Variants in MAP3K2 observed in about 807,000 individuals in gnomAD.
MAP3K2 encodes the protein MAP/ERK kinase kinase 2.
MAP3K2 carries 24 observed loss-of-function variants against 80.3 expected under a neutral mutation model. The ratio of observed to expected loss-of-function variants is 0.30; its 90% CI spans 0.22 to 0.42. The LOEUF is 0.42. MAP3K2 is among the 10% of genes least tolerant of loss of function. The pLI is 1.00. For synonymous variants in MAP3K2, 244 were observed against 253.7 expected (o/e 0.96, Z 0.36); for missense variants, 608 against 750.1 (o/e 0.81, Z 2.21).
In MAP3K2 at chr2:127,322,430, CTT is replaced by C. The variant is rs144079100; in HGVS notation, c.839-180_839-179del. 7.3e-3 allele frequency among the ~76,000 whole-genome samples: 1,112 copies of C among 152,220 alleles called. 11 individuals are homozygous for C. Among genetic ancestry groups the C allele is most frequent in the Admixed American group, 0.011 (165 of 15,288 alleles). On this transcript the variant is annotated intron_variant, in intron 11 of 16. Transcript: ENST00000682094. The surrounding 1 kb of genome is among the most constrained non-coding windows in gnomAD (Gnocchi z 4.2). ...ATCTGAATACAAATTCAAATAATCT[CTT>C]ATGATAAAACATGTATGAGTGTGCA...
intron 1 of MAP3K2, among the ~76,000 whole-genome samples, chr2:127,383,310 A>C (rs940345456): frequency 6.6e-6 from 1 of 152,202 alleles, no homozygotes; most frequent in Non-Finnish European, 1.5e-5. Flanking sequence ...TGATTCTTCC[A>C]ATCAACGAGT....
At chr2:127,369,726 G>A (rs759622241) in intron 1 of MAP3K2, among the ~76,000 whole-genome samples, 12 of 152,266 alleles carry the variant, frequency 7.9e-5, no homozygotes, top group Middle Eastern at 3.4e-3. Context: ...TCCCCATCCT[G>A]TTTATATCCC....
At chr2:127,383,002 T>C (rs1164715376) in intron 1 of MAP3K2, among the ~76,000 whole-genome samples, 1 of 152,252 alleles carries the variant, frequency 6.6e-6, no homozygotes, top group African/African-American at 2.4e-5. Flanking sequence ...TGGCACCTGC[T>C]TGGCCTCTGG....
chr2:127,342,372 A>G (rs1393445140), intron 2 of MAP3K2, among the ~76,000 whole-genome samples: 3 of 142,794 alleles, frequency 2.1e-5, no homozygotes, highest in Non-Finnish European at 4.5e-5. Flanking sequence ...ATGGGCAAAT[A>G]TAAGTTCTTC....
chr2:127,313,227 G>C (rs185421270), intron 15 of MAP3K2, among the ~76,000 whole-genome samples: 13 of 152,272 alleles, frequency 8.5e-5, no homozygotes, highest in Admixed American at 6.5e-4. Context: ...CCACTCGGCG[G>C]GTAGCTCCCT....
At chr2:127,329,443 G>T (rs2896979) in intron 7 of MAP3K2, among the ~76,000 whole-genome samples, 1 of 149,712 alleles carries the variant, frequency 6.7e-6, no homozygotes, top group Non-Finnish European at 1.5e-5. Context: ...TGCAACCTCC[G>T]CCTCCCGGGT....
chr2:127,316,500 A>G (rs1408009013), intron 14 of MAP3K2, among the ~76,000 whole-genome samples: 2 of 152,260 alleles, frequency 1.3e-5, no homozygotes, highest in Non-Finnish European at 2.9e-5. Flanking sequence ...ATCACATTTT[A>G]TAACTCCTAA....
chr2:127,321,935 T>C lies in MAP3K2; in HGVS notation c.1045+111A>G. 1.2e-6 allele frequency: 1 copy of C among 856,150 alleles called. No homozygotes were observed. The highest frequency in any genetic ancestry group is 1.9e-6 in the Non-Finnish European group (1 of 535,926). 53.0% of individuals were successfully genotyped at this position (856,150 alleles called of 1,614,324 possible). ...TTAGAAACACCATTATTACCTTTTT[T>C]GAGTAGTTCATCTGACCCCAAAAAC... On this transcript the variant is annotated intron_variant, in intron 12 of 16. Transcript: ENST00000682094. The surrounding 1 kb of genome is among the most constrained non-coding windows in gnomAD (Gnocchi z 4.4).
intron 12 of MAP3K2, among the ~76,000 whole-genome samples, chr2:127,319,080 A>G (rs1404130768): frequency 6.6e-6 from 1 of 152,120 alleles, no homozygotes; most frequent in Non-Finnish European, 1.5e-5. Context: ...CAAGGCCTGG[A>G]AAAGGGGAAT....
chr2:127,342,987 A>C, intron 2 of MAP3K2, 139 bp downstream of exon 2: 1 of 622,948 alleles, frequency 1.6e-6, no homozygotes, highest in Non-Finnish European at 2.8e-6. Flanking sequence ...TATTAAGTAA[A>C]TATAAAACAT....
At chr2:127,331,947 T>A (rs1230485459) in intron 5 of MAP3K2, among the ~76,000 whole-genome samples, 1 of 152,198 alleles carries the variant, frequency 6.6e-6, no homozygotes, top group Non-Finnish European at 1.5e-5. Context: ...AACACGAATA[T>A]AAAGAAGGAT....
rs1685678181 is a variant in MAP3K2, at chr2:127,305,453, A to C, written c.*2126T>G. Reference sequence around the variant, plus strand: ...CGTTGACAATTAATTTTGTGCTTTGACTTCTTAGACTAGCTAGTGGAATTT... The same window carrying C: ...CGTTGACAATTAATTTTGTGCTTTGCCTTCTTAGACTAGCTAGTGGAATTT... On this transcript the variant is annotated 3_prime_UTR_variant, in exon 17 of 17. Coordinates refer to ENST00000682094, the MANE Select transcript of MAP3K2 (RefSeq NM_001371910.2). 6.6e-6 allele frequency: 1 copy of C among 152,248 alleles called. No homozygotes were observed. The highest frequency in any genetic ancestry group is 2.1e-4 in the South Asian group (1 of 4,830). 9.4% of individuals were successfully genotyped at this position (152,248 alleles called of 1,614,324 possible).
rs1298353613 is a variant in MAP3K2 at position 127,299,190 on chromosome 2, C to T, written c.*8389G>A. 3.9e-5 allele frequency: 6 copies of T among 152,064 alleles called. No individual in the cohort carries two copies. The highest frequency in any genetic ancestry group is 7.2e-5 in the African/African-American group (3 of 41,390). The allele number at this position is 152,064 out of a possible 1,614,324, so 9.4% of individuals were successfully genotyped here. ...TCAACAGTGGACTTTATTCCTAACA[C>T]GAGTAATTTTACATGGTACCGCATA... On this transcript the variant is annotated 3_prime_UTR_variant, in exon 17 of 17. Coordinates refer to ENST00000682094, the MANE Select transcript of MAP3K2 (RefSeq NM_001371910.2).
At chr2:127,358,910 A>G (rs1047822478) in intron 1 of MAP3K2, among the ~76,000 whole-genome samples, 1 of 149,190 alleles carries the variant, frequency 6.7e-6, no homozygotes, top group Non-Finnish European at 1.5e-5. Flanking sequence ...GCCTGTCTCC[A>G]AAACAATAAA....
chr2:127,354,254 A>G (rs1219101540), intron 1 of MAP3K2, among the ~76,000 whole-genome samples: 3 of 145,670 alleles, frequency 2.1e-5, no homozygotes, highest in East Asian at 2.0e-4. Flanking sequence ...AAAAAAAAAG[A>G]AAGAAATATC....
At position 127,314,843 on chromosome 2, in the gene MAP3K2, G is replaced by A; in HGVS notation, c.1367C>T (p.Thr456Ile). ...GGTGTATTTCCTAGTCACATTCTCA[G>A]TAAGAGCGCCATATGCTTTTAATTG... is the stretch of plus-strand genomic sequence containing the variant. ...KDQLKAYGALTENVTRKYTRQ... is the reference protein window; with the variant it reads ...KDQLKAYGALIENVTRKYTRQ... Residue 456 changes from threonine (T) to isoleucine (I), a missense_variant, in exon 15 of 17, where the codon ACT (threonine) becomes ATT (isoleucine). This residue lies in a region of MAP3K2 where 88 missense variants were observed against 132.4 expected (regional missense o/e 0.66). Transcript: ENST00000682094. 1 of 1,609,018 alleles carries A rather than the reference G, an allele frequency of 6.2e-7. No homozygotes were observed. The highest frequency in any genetic ancestry group is 8.5e-7 in the Non-Finnish European group (1 of 1,176,410).
intron 1 of MAP3K2, among the ~76,000 whole-genome samples, chr2:127,368,133 C>A (rs1236815325): frequency 6.6e-6 from 1 of 151,426 alleles, no homozygotes; most frequent in Non-Finnish European, 1.5e-5. Context: ...ACCAGCCTGG[C>A]CAACATGGTG....
In MAP3K2 at chr2:127,308,595, C is replaced by T; in HGVS notation, c.1624G>A (p.Ala542Thr). The change falls in exon 16 of 17, where the codon GCA (alanine) becomes ACA (threonine). Residue 542 changes from alanine (A) to threonine (T), a missense_variant. Coordinates refer to ENST00000682094, the MANE Select transcript of MAP3K2 (RefSeq NM_001371910.2). The part of the protein sequence containing the change: ...VISGEGYGRK[A>T]DIWSVACTVV... ...CGTATCAAAACCTACCAGATGTCTG[C>T]TTTTCTTCCATAGCCTTCTCCACTG... 1 of 1,552,330 alleles carries T rather than the reference C, an allele frequency of 6.4e-7. No individual in the cohort carries two copies.
At chr2:127,380,459 G>A (rs777882178) in intron 1 of MAP3K2, among the ~76,000 whole-genome samples, 3 of 152,096 alleles carry the variant, frequency 2.0e-5, no homozygotes, top group African/African-American at 4.8e-5. Context: ...TATAAACCTC[G>A]TAGTGCTTTT....
Sources: gnomAD v4.1 joint callset for allele counts (sites outside exome capture counted in the v4.1 genomes callset) on GRCh38, gnomAD v4.1.1 for gene constraint, gnomAD v4.1.1 regional missense constraint, Gnocchi (gnomAD v3.1) non-coding constraint, MANE v1.5 for transcripts, NCBI Gene and HGNC (gene_info 2026-07-23, HGNC 2026-07-21) for gene names.